The following SPON2 variants were observed in gnomAD, a reference collection of about 807,000 sequenced individuals.
The protein encoded by SPON2 is spondin-2.
A neutral mutation model predicts 29.9 loss-of-function variants in SPON2; 32 were observed. The ratio of observed to expected loss-of-function variants is 1.07; its 90% CI spans 0.81 to 1.44. SPON2 has a LOEUF of 1.44. Among genes scored for constraint, SPON2 ranks in the 40% most tolerant of loss-of-function variants. The probability of loss-of-function intolerance (pLI) is 0.00; values close to 1 mark genes in which losing one functional copy is unlikely to be tolerated. For synonymous variants in SPON2, 248 were observed against 209.1 expected (o/e 1.19, Z -1.61); for missense variants, 541 against 455.5 (o/e 1.19, Z -1.71).
upstream of SPON2, among the ~76,000 whole-genome samples, chr4:1,174,496 AAAAAAACAAAAAAAC>A (rs1383193891): frequency 3.7e-3 from 563 of 151,054 alleles, 9 homozygotes; most frequent in African/African-American, 0.013. Context: ...CAAAAAAAAA[AAAAAAACAAAAAAAC>A]AAAAAACAAA....
chr4:1,188,202 CAAAAAAAAAA>C (rs1164276990), intron 1 of SPON2, among the ~76,000 whole-genome samples: 2 of 36,582 alleles, frequency 5.5e-5, no homozygotes, highest in African/African-American at 2.1e-4. Context: ...GACTCCGTCT[CAAAAAAAAAA>C]AAAAAAAAAA....
rs1285496897 is a variant in SPON2 at position 1,167,375 on chromosome 4, A to G, written c.*97T>C. The G allele has an allele frequency of 7.7e-7, 1 of 1,302,050 alleles. No individual in the cohort carries two copies. The highest frequency in any genetic ancestry group is 2.3e-5 in the Admixed American group (1 of 44,436). The allele number at this position is 1,302,050 out of a possible 1,614,324, so 80.7% of individuals were successfully genotyped here. On this transcript the variant is annotated 3_prime_UTR_variant, in exon 6 of 6. Coordinates refer to ENST00000290902, the MANE Select transcript of SPON2 (RefSeq NM_012445.4). ...TCACCGCGGTCAGGAGCAGCGCGAA[A>G]CCCCCTGTGCCCTCGGCCGCCTGCA...
At position 1,171,874 on chromosome 4, in the gene SPON2, A is replaced by C. The variant is rs573292587; in HGVS notation, c.198T>G (p.Pro66=). 11 of 1,612,678 alleles carry C rather than the reference A, an allele frequency of 6.8e-6. No individual in the cohort carries two copies. The African/African-American group carries it at 1.3e-4, about 20-fold the overall frequency. The change falls in exon 2 of 6, where the codon CCT becomes CCG. Residue 66 remains proline, a synonymous_variant. Coordinates refer to ENST00000290902, the MANE Select transcript of SPON2 (RefSeq NM_012445.4). ...FPKQYPLFRP[P]AQWSSLLGAA... ...TACCCAGCAGCGAAGACCACTGCGCAGGGGGGCGGAACAGGGGGTACTGCT... is the reference window on the plus strand; with the variant it reads ...TACCCAGCAGCGAAGACCACTGCGCCGGGGGGCGGAACAGGGGGTACTGCT...
Position 1,185,708 on chromosome 4 carries a change from C to CCAAAAAAAAAA in SPON2, c.-238-6168_-238-6167insTTTTTTTTTTG, listed in dbSNP as rs764779944. Among the ~76,000 whole-genome samples the CCAAAAAAAAAA allele has an allele frequency of 1.5e-3, 105 of 69,668 alleles. 2 individuals are homozygous for CCAAAAAAAAAA. In the Middle Eastern group the frequency reaches 0.04, roughly 27 times the overall value. 45.7% of individuals were successfully genotyped at this position (69,668 alleles called of 152,430 possible). A position where few individuals can be genotyped will look rare whatever the true frequency, so the allele number is the denominator to read the frequency against. On this transcript the variant is annotated intron_variant, in intron 1 of 3. Coordinates refer to the SPON2 transcript ENST00000502483. Reference sequence around the variant, plus strand: ...CGGCAGCAGAGTGAGACTCCATCTCCAAAAAAAAAAAGAATGAAGTTGGAC... The same window carrying CCAAAAAAAAAA: ...CGGCAGCAGAGTGAGACTCCATCTCCCAAAAAAAAAAAAAAAAAAAAAGAATGAAGTTGGAC...
At chr4:1,201,189 TC>T (rs752270226) in intron 1 of SPON2, 6 of 446,732 alleles carry the variant, frequency 1.3e-5, no homozygotes, top group East Asian at 7.1e-5. Context: ...CTCCAGCCCC[TC>T]CCCCCGCAGT....
chr4:1,184,297 A>C (rs965640452), intron 1 of SPON2, among the ~76,000 whole-genome samples: 2 of 152,218 alleles, frequency 1.3e-5, no homozygotes, highest in Non-Finnish European at 2.9e-5. Context: ...AAATGAATTA[A>C]ACTCTCTACT....
In SPON2 at chr4:1,171,476, A is replaced by G. The variant is rs751195535; in HGVS notation, c.231T>C (p.His77=). 21 of 1,611,296 alleles carry G rather than the reference A, an allele frequency of 1.3e-5. No homozygotes were observed. In the South Asian group the frequency reaches 1.9e-4, roughly 14 times the overall value. ...TCCTCCACATGCTGTAGTCGGAGCT[A>G]TGCGCGGCCCCTGCAGGACCACCCG... The part of the protein sequence containing the change: ...AQWSSLLGAA[H]SSDYSMWRKN... Residue 77 remains histidine (H), a synonymous_variant, in exon 3 of 6, where the codon CAT becomes CAC. Coordinates refer to ENST00000290902, the MANE Select transcript of SPON2 (RefSeq NM_012445.4).
chr4:1,174,207 C>T (rs1230475424), upstream of SPON2, among the ~76,000 whole-genome samples: 2 of 151,828 alleles, frequency 1.3e-5, no homozygotes, highest in African/African-American at 4.8e-5. Flanking sequence ...CCAGCCTGGG[C>T]GACAGAGTGA....
chr4:1,176,806 C>G (rs1212572933), upstream of SPON2, among the ~76,000 whole-genome samples: 1 of 147,598 alleles, frequency 6.8e-6, no homozygotes, highest in Non-Finnish European at 1.5e-5. Context: ...TACATTCATG[C>G]AATCATCCAC....
At chr4:1,189,524 G>A (rs939008010) in intron 1 of SPON2, among the ~76,000 whole-genome samples, 7 of 150,380 alleles carry the variant, frequency 4.7e-5, no homozygotes, top group African/African-American at 9.8e-5. Context: ...GTGGTGGCAC[G>A]CACCTGTGGT....
rs1036049105 is a variant in SPON2 at position 1,171,185 on chromosome 4, C to G, written c.450G>C (p.Ser150=). 6.6e-7 allele frequency: 1 copy of G among 1,520,704 alleles called. No homozygotes were observed. The highest frequency in any genetic ancestry group is 8.8e-7 in the Non-Finnish European group (1 of 1,138,864). 94.2% of individuals were successfully genotyped at this position (1,520,704 alleles called of 1,614,324 possible). The change falls in exon 4 of 6, where the codon TCG becomes TCC. Residue 150 remains serine, a synonymous_variant. Coordinates refer to ENST00000290902, the MANE Select transcript of SPON2 (RefSeq NM_012445.4). ...GGCTGGGCACGATGCGCACCACAAACGAGACCTGCGGCGACAGCGGCTCAG... is the reference window on the plus strand; with the variant it reads ...GGCTGGGCACGATGCGCACCACAAAGGAGACCTGCGGCGACAGCGGCTCAG... ...LEVQRRHSLV[S]FVVRIVPSPD...
At chr4:1,200,300 G>C (rs1728166107) in intron 1 of SPON2, among the ~76,000 whole-genome samples, 1 of 152,162 alleles carries the variant, frequency 6.6e-6, no homozygotes, top group Admixed American at 6.5e-5. Flanking sequence ...ACGGACAGTT[G>C]AGAAGGCGTC....
chr4:1,199,702 C>G (rs1728149047), upstream of SPON2: 1 of 152,324 alleles, frequency 6.6e-6, no homozygotes, highest in African/African-American at 2.4e-5. The surrounding 1 kb of genome is among the most constrained non-coding windows in gnomAD (Gnocchi z 4.5). Flanking sequence ...CGCCTCTTCT[C>G]TAGCCTTCCA....
upstream of SPON2, chr4:1,172,937 CT>C (rs1346620501): frequency 2.4e-5 from 3 of 127,648 alleles, no homozygotes; most frequent in East Asian, 2.4e-4. Context: ...CCCCTCCCCC[CT>C]GTCCTCCTCC....
chr4:1,200,483 C>G (rs1351464046), intron 1 of SPON2, among the ~76,000 whole-genome samples: 1 of 151,702 alleles, frequency 6.6e-6, no homozygotes, highest in Admixed American at 6.6e-5. Context: ...GCAGGGGAGG[C>G]TCAGCGGGGG....
At chr4:1,184,582 C>T (rs950704159) in intron 1 of SPON2, among the ~76,000 whole-genome samples, 3 of 152,164 alleles carry the variant, frequency 2.0e-5, no homozygotes, top group Non-Finnish European at 2.9e-5. Flanking sequence ...TCCTACAAAG[C>T]TGTAGTAATC....
chr4:1,181,333 A>G (rs1340333776), intron 1 of SPON2, among the ~76,000 whole-genome samples: 1 of 152,244 alleles, frequency 6.6e-6, no homozygotes, highest in Non-Finnish European at 1.5e-5. Flanking sequence ...TCAAAACCAG[A>G]GTCTATCACT....
chr4:1,190,431 T>G (rs938406812), intron 1 of SPON2, among the ~76,000 whole-genome samples: 1 of 152,202 alleles, frequency 6.6e-6, no homozygotes, highest in Admixed American at 6.5e-5. Flanking sequence ...ACTTCCTCAC[T>G]CATTCAGAGG....
chr4:1,195,641 C>T (rs752563079), upstream of SPON2, among the ~76,000 whole-genome samples: 1 of 152,214 alleles, frequency 6.6e-6, no homozygotes, highest in East Asian at 1.9e-4. Context: ...ATCACAGCCC[C>T]AGGGCCATCA....
Sources: gnomAD v4.1 joint callset for allele counts (sites outside exome capture counted in the v4.1 genomes callset) on GRCh38, gnomAD v4.1.1 for gene constraint, Gnocchi (gnomAD v3.1) non-coding constraint, MANE v1.5 for transcripts, NCBI Gene and HGNC (gene_info 2026-07-23, HGNC 2026-07-21) for gene names.